The following SHISA9 variants were observed in gnomAD, a reference collection of about 807,000 sequenced individuals.
The protein encoded by SHISA9 is protein shisa-9.
Under a neutral mutation model 38.0 loss-of-function variants are expected in SHISA9, and 13 were observed. The ratio of observed to expected loss-of-function variants is 0.34; its 90% CI spans 0.22 to 0.54. The LOEUF is 0.54. Among genes scored for constraint, SHISA9 ranks in the 20% least tolerant of loss-of-function variants. The probability of loss-of-function intolerance (pLI) is 0.91; values close to 1 mark genes in which losing one functional copy is unlikely to be tolerated. For synonymous variants in SHISA9, 275 were observed against 242.0 expected (o/e 1.14, Z -1.27); for missense variants, 538 against 575.8 (o/e 0.93, Z 0.67).
chr16:13,338,562 A>G, the SHISA9 span, among the ~76,000 whole-genome samples: 2 of 152,188 alleles, frequency 1.3e-5, no homozygotes, highest in East Asian at 1.9e-4. Flanking sequence ...AGATGGCCAC[A>G]GCATTCAGTC....
the SHISA9 span, among the ~76,000 whole-genome samples, chr16:13,483,730 C>G: frequency 2.0e-5 from 3 of 152,008 alleles, no homozygotes; most frequent in Non-Finnish European, 4.4e-5. Context: ...GGTCATGAAT[C>G]TTCCCTAAAA....
intron 2 of SHISA9, among the ~76,000 whole-genome samples, chr16:13,087,137 A>G (rs954866557): frequency 1.4e-5 from 2 of 145,432 alleles, no homozygotes; most frequent in Admixed American, 7.0e-5. Flanking sequence ...CGCAAAGGAC[A>G]TGAACTCGTC....
the SHISA9 span, among the ~76,000 whole-genome samples, chr16:13,479,303 G>A: frequency 1.3e-5 from 2 of 152,098 alleles, no homozygotes; most frequent in Admixed American, 6.5e-5. Context: ...TGTCTGCAAA[G>A]CCACTTTTGC....
chr16:13,443,594 T>C, the SHISA9 span, among the ~76,000 whole-genome samples: 1 of 152,188 alleles, frequency 6.6e-6, no homozygotes, highest in Admixed American at 6.5e-5. Context: ...CTCTGATCAA[T>C]TTTATGTCCT....
intron 2 of SHISA9, among the ~76,000 whole-genome samples, chr16:13,024,189 A>G (rs963774255): frequency 1.9e-4 from 29 of 152,250 alleles, no homozygotes; most frequent in Admixed American, 1.6e-3. Context: ...AATTGAGCCC[A>G]GGTCTGCTGT....
chr16:13,004,955 A>G (rs796694661), intron 2 of SHISA9, among the ~76,000 whole-genome samples: 2 of 17,820 alleles, frequency 1.1e-4, no homozygotes, highest in East Asian at 2.8e-3. Flanking sequence ...AAAAAAAAAA[A>G]AAAGAAAAAA....
At chr16:13,077,704 C>T (rs2073599458) in intron 2 of SHISA9, among the ~76,000 whole-genome samples, 1 of 152,140 alleles carries the variant, frequency 6.6e-6, no homozygotes, top group Non-Finnish European at 1.5e-5. Context: ...CTCAGGTGGG[C>T]ATAACTGGCT....
the SHISA9 span, among the ~76,000 whole-genome samples, chr16:13,507,091 T>C: frequency 6.6e-6 from 1 of 152,006 alleles, no homozygotes; most frequent in Non-Finnish European, 1.5e-5. Flanking sequence ...ATATAAAATC[T>C]GGTTTGATGA....
intron 3 of SHISA9, 120 bp downstream of exon 3, chr16:13,203,669 C>G (rs1171045983): frequency 2.7e-6 from 3 of 1,102,258 alleles, no homozygotes; most frequent in Non-Finnish European, 3.7e-6. Flanking sequence ...CTCTTTTTTT[C>G]TCTTTCTGCT....
At chr16:13,021,619 A>G (rs1165272601) in intron 2 of SHISA9, among the ~76,000 whole-genome samples, 1 of 152,222 alleles carries the variant, frequency 6.6e-6, no homozygotes, top group Non-Finnish European at 1.5e-5. Context: ...ATGAAGAAGA[A>G]ACGGTACCTG....
rs59109452 is a variant in SHISA9, at chr16:12,943,274, GGTGTGTGTGTGTGTGTGTGTGTGT to G, written c.691+26493_691+26516del. Among the ~76,000 whole-genome samples, 141 of 82,270 alleles carry G rather than the reference GGTGTGTGTGTGTGTGTGTGTGTGT, an allele frequency of 1.7e-3. 1 individual carries two copies. Among genetic ancestry groups the G allele is most frequent in the African/African-American group, 4.5e-3 (83 of 18,506 alleles). 54.0% of individuals were successfully genotyped at this position (82,270 alleles called of 152,430 possible). On this transcript the variant is annotated intron_variant, in intron 2 of 4. Transcript: ENST00000558583. ...AGAGAATTATAATGGAACAGAGTAT[GGTGTGTGTGTGTGTGTGTGTGTGT>G]GTGTGTGTGTGTGTGTGTGTGTGTG... is the stretch of plus-strand genomic sequence containing the variant.
chr16:13,212,837 G>A (rs1239588929), intron 3 of SHISA9, among the ~76,000 whole-genome samples: 1 of 152,122 alleles, frequency 6.6e-6, no homozygotes, highest in East Asian at 1.9e-4. Context: ...GGATTGCAGT[G>A]GAACACGATC....
chr16:13,428,438 A>G, the SHISA9 span, among the ~76,000 whole-genome samples: 7 of 152,208 alleles, frequency 4.6e-5, no homozygotes, highest in Non-Finnish European at 8.8e-5. Context: ...CAAGAGCTCA[A>G]AAAAATTGGG....
chr16:13,057,605 T>C (rs150843778), intron 2 of SHISA9, among the ~76,000 whole-genome samples: 185 of 152,336 alleles, frequency 1.2e-3, no homozygotes, highest in African/African-American at 4.2e-3. Flanking sequence ...ATGCATACCA[T>C]AGTTTGAGAA....
At chr16:13,127,080 G>C in intron 2 of SHISA9, among the ~76,000 whole-genome samples, 1 of 144,192 alleles carries the variant, frequency 6.9e-6, no homozygotes, top group South Asian at 2.4e-4. Context: ...GAGGGAGAGA[G>C]ACAGCTGAGG....
chr16:13,342,038 A>G, the SHISA9 span, among the ~76,000 whole-genome samples: 1 of 152,154 alleles, frequency 6.6e-6, no homozygotes, highest in Middle Eastern at 3.4e-3. Context: ...ATAGTTCCCA[A>G]ATCTACCCAC....
the SHISA9 span, among the ~76,000 whole-genome samples, chr16:13,338,157 C>A: frequency 6.6e-6 from 1 of 152,158 alleles, no homozygotes; most frequent in Non-Finnish European, 1.5e-5. Context: ...CCCAACGTGT[C>A]ACCAGCACAG....
the SHISA9 span, among the ~76,000 whole-genome samples, chr16:13,483,811 A>T: frequency 4.6e-5 from 7 of 152,196 alleles, no homozygotes; most frequent in Non-Finnish European, 8.8e-5. Context: ...GGTGGTCCCC[A>T]GGGAGAGCAT....
At chr16:13,265,871 G>A in the SHISA9 span, among the ~76,000 whole-genome samples, 3 of 152,022 alleles carry the variant, frequency 2.0e-5, no homozygotes, top group African/African-American at 7.2e-5. Context: ...AGAATAATGT[G>A]CCAACATCCC....
Sources: allele counts gnomAD v4.1 joint callset (sites outside exome capture counted in the v4.1 genomes callset), GRCh38; gene constraint gnomAD v4.1.1; transcripts MANE v1.5; gene names NCBI Gene and HGNC (gene_info 2026-07-23, HGNC 2026-07-21).